Variants in FMN2 observed in about 807,000 individuals in gnomAD.
FMN2 encodes formin 2, also known as formin-2.
FMN2 carries 51 observed loss-of-function variants against 142.3 expected under a neutral mutation model. The ratio of observed to expected loss-of-function variants is 0.36; its 90% CI spans 0.29 to 0.45. The LOEUF (loss-of-function observed/expected upper bound fraction) is 0.45, where lower values mean the gene tolerates loss of function less well. Among genes scored for constraint, FMN2 ranks in the 20% least tolerant of loss-of-function variants. FMN2 has a pLI of 1.00. For synonymous variants in FMN2, 882 were observed against 869.8 expected, an observed-to-expected ratio of 1.01 and a Z score of -0.25; for missense variants, 1,936 against 2,122.8, an observed-to-expected ratio of 0.91 and a Z score of 1.73.
At position 240,228,327 on chromosome 1, in the gene FMN2, AAAAAAGAAAAAG is replaced by A. The variant is rs1186396133; in HGVS notation, c.4065+17108_4065+17119del. Among the ~76,000 whole-genome samples the A allele has an allele frequency of 7.9e-3, 619 of 78,210 alleles. 11 individuals are homozygous for A. Among genetic ancestry groups the A allele is most frequent in the African/African-American group, 0.029 (419 of 14,698 alleles). 51.3% of individuals were successfully genotyped at this position (78,210 alleles called of 152,430 possible). A position where few individuals can be genotyped will look rare whatever the true frequency, so the allele number is the denominator to read the frequency against. On this transcript the variant is annotated intron_variant, in intron 6 of 17. Coordinates refer to ENST00000319653, the MANE Select transcript of FMN2 (RefSeq NM_020066.5). The stretch of plus-strand genomic sequence containing the variant: ...TCAAAAAAAAAAAAAAAAAAAAAAA[AAAAAAGAAAAAG>A]AAAAAGAAAAAGAAAGAAAAAAAAT...
intron 3 of FMN2, among the ~76,000 whole-genome samples, chr1:240,181,943 C>G (rs192094989): frequency 6.6e-6 from 1 of 152,158 alleles, no homozygotes; most frequent in Non-Finnish European, 1.5e-5. Context: ...GAATGCTTTA[C>G]GTATTGAATT....
Position 240,093,005 on chromosome 1 carries a change from T to C in FMN2, c.896T>C (p.Leu299Pro). 7.2e-7 allele frequency: 1 copy of C among 1,398,088 alleles called. No homozygotes were observed. The allele number at this position is 1,398,088 out of a possible 1,614,324, so 86.6% of individuals were successfully genotyped here. A position where few individuals can be genotyped will look rare whatever the true frequency, so the allele number is the denominator to read the frequency against. Residue 299 changes from leucine to proline, a missense_variant, in exon 1 of 18, where the codon CTC (leucine) becomes CCC (proline). Physicochemically the swap from Leu to Pro is moderately conservative, Grantham distance 98. Transcript: ENST00000319653. Reference sequence around the variant, plus strand: ...CAGCAACCGCCGTCCCCCGGCGGCCTCCCGGTCTCCGAGGCGCCCAGTCTC... The same window carrying C: ...CAGCAACCGCCGTCCCCCGGCGGCCCCCCGGTCTCCGAGGCGCCCAGTCTC... ...EPQQPPSPGGLPVSEAPSLPA... is the reference protein window; with the variant it reads ...EPQQPPSPGGPPVSEAPSLPA...
chr1:240,315,796 G>T (rs1187285150), intron 8 of FMN2, among the ~76,000 whole-genome samples: 1 of 151,714 alleles, frequency 6.6e-6, no homozygotes, highest in Non-Finnish European at 1.5e-5. Flanking sequence ...CTCTTGAAAA[G>T]CTAGTTTTCA....
At position 240,207,750 on chromosome 1, in the gene FMN2, C is replaced by T. The variant is rs760446091; in HGVS notation, c.2938C>T (p.Pro980Ser). 2.0e-6 allele frequency: 3 copies of T among 1,514,886 alleles called. No individual in the cohort carries two copies. In the East Asian group the frequency reaches 6.9e-5, roughly 35 times the overall value. The allele number at this position is 1,514,886 out of a possible 1,614,324, so 93.8% of individuals were successfully genotyped here. Reference sequence around the variant, plus strand: ...CGGAGCAGGAATACCTCCTCCACCCCCTCTACCCGGAGCGGGCATACCCCC... The same window carrying T: ...CGGAGCAGGAATACCTCCTCCACCCTCTCTACCCGGAGCGGGCATACCCCC... ...LPGAGIPPPP[P>S]LPGAGIPPPP... The change falls in exon 5 of 18, where the codon CCT becomes TCT. Residue 980 changes from proline to serine, a missense_variant. Pro to Ser is a moderately conservative substitution (Grantham distance 74). Around this residue, in one of 8 missense-constraint regions of FMN2, gnomAD observed 63 missense variants for 86.3 expected, o/e 0.73. Coordinates refer to ENST00000319653, the MANE Select transcript of FMN2 (RefSeq NM_020066.5).
chr1:240,275,284 C>T (rs1215360943), intron 7 of FMN2, among the ~76,000 whole-genome samples: 1 of 151,704 alleles, frequency 6.6e-6, no homozygotes, highest in East Asian at 1.9e-4. Context: ...GTTCCCCTCT[C>T]TGTGTCCATG....
intron 6 of FMN2, among the ~76,000 whole-genome samples, chr1:240,228,745 T>C (rs945716026): frequency 6.6e-6 from 1 of 152,186 alleles, no homozygotes; most frequent in Admixed American, 6.5e-5. Flanking sequence ...ACTATAATTT[T>C]CTGGATAAAT....
intron 6 of FMN2, 135 bp from the exon 7 acceptor site, chr1:240,257,810 C>G: frequency 1.5e-6 from 1 of 680,696 alleles, no homozygotes; most frequent in Non-Finnish European, 2.5e-6. Context: ...AAAAAAAACA[C>G]TGTTTTGAAT....
At chr1:240,367,947 G>A (rs974872796) in intron 14 of FMN2, among the ~76,000 whole-genome samples, 1 of 151,968 alleles carries the variant, frequency 6.6e-6, no homozygotes, top group African/African-American at 2.4e-5. Context: ...TACGTCATAT[G>A]GATAATGCTG....
intron 6 of FMN2, among the ~76,000 whole-genome samples, chr1:240,214,794 G>A (rs1437619780): frequency 1.3e-5 from 2 of 152,140 alleles, no homozygotes; most frequent in East Asian, 1.9e-4. Context: ...CACTGGGTAT[G>A]GTGGCTCACA....
At chr1:240,157,448 TGAAA>T (rs553390584) in intron 2 of FMN2, among the ~76,000 whole-genome samples, 1 of 152,216 alleles carries the variant, frequency 6.6e-6, no homozygotes, top group South Asian at 2.1e-4. Context: ...ACAGCTGTAC[TGAAA>T]GATTTTGTTT....
At chr1:240,334,650 A>ATCT (rs10638898) in intron 13 of FMN2, among the ~76,000 whole-genome samples, 86,135 of 151,666 alleles carry the variant, frequency 0.57, 25,153 homozygotes, top group African/African-American at 0.71. Flanking sequence ...GGAACAAAAT[A>ATCT]TCTTCTACTT....
chr1:240,207,635 AATACCTCCTCCGCCCCCTCTACCCGGAGC>A lies in FMN2; in HGVS notation c.2824_2852del (p.Ile942GlyfsTer301). On this transcript the variant is annotated frameshift_variant, in exon 5 of 18. Coordinates refer to ENST00000319653, the MANE Select transcript of FMN2 (RefSeq NM_020066.5). LOFTEE classifies it high-confidence loss of function. The stretch of plus-strand genomic sequence containing the variant: ...CTCTGCCCCCTCTACCCGGAGCGGG[AATACCTCCTCCGCCCCCTCTACCCGGAGC>A]GGCAATACCCCCTCCGCCCCCTCTT... The A allele has an allele frequency of 1.1e-6, 1 of 911,520 alleles. No individual in the cohort carries two copies. Among genetic ancestry groups the A allele is most frequent in the Non-Finnish European group, 1.4e-6 (1 of 727,290 alleles). 56.5% of individuals were successfully genotyped at this position (911,520 alleles called of 1,614,324 possible).
At chr1:240,309,794 A>C (rs1243338696) in intron 8 of FMN2, among the ~76,000 whole-genome samples, 1 of 152,112 alleles carries the variant, frequency 6.6e-6, no homozygotes, top group Non-Finnish European at 1.5e-5. Flanking sequence ...TCAGTTCTAG[A>C]AGGCAAACTG....
intron 15 of FMN2, among the ~76,000 whole-genome samples, chr1:240,401,454 T>C (rs1321893777): frequency 6.6e-6 from 1 of 152,182 alleles, no homozygotes; most frequent in Non-Finnish European, 1.5e-5. Context: ...GGAAGTTTCA[T>C]TTCTATGAAT....
At chr1:240,183,789 T>A (rs1014374182) in intron 3 of FMN2, among the ~76,000 whole-genome samples, 3 of 152,144 alleles carry the variant, frequency 2.0e-5, no homozygotes, top group East Asian at 1.9e-4. Flanking sequence ...ATTAAAAACA[T>A]CTTGCATTTA....
intron 14 of FMN2, among the ~76,000 whole-genome samples, chr1:240,380,736 G>T (rs1321793639): frequency 1.8e-4 from 27 of 148,496 alleles, no homozygotes; most frequent in Admixed American, 1.7e-3. Context: ...AAAAGAAATG[G>T]CAAAGATCAG....
At chr1:240,437,924 T>C (rs961996366) in intron 15 of FMN2, 137 bp from the exon 16 acceptor site, 25 of 1,039,462 alleles carry the variant, frequency 2.4e-5, no homozygotes, top group South Asian at 1.5e-4. Flanking sequence ...AGAGCTACTG[T>C]TGGTGCTTGA....
At chr1:240,430,746 G>T (rs1044679919) in intron 15 of FMN2, among the ~76,000 whole-genome samples, 11 of 140,602 alleles carry the variant, frequency 7.8e-5, no homozygotes, top group African/African-American at 2.9e-4. Flanking sequence ...TCCTACCCCC[G>T]CATTGAATTG....
chr1:240,124,467 A>T (rs1662419117), intron 2 of FMN2, among the ~76,000 whole-genome samples: 1 of 152,188 alleles, frequency 6.6e-6, no homozygotes, highest in African/African-American at 2.4e-5. Context: ...ATTCATAATG[A>T]ATATGAACAC....
Sources: gnomAD v4.1 joint callset for allele counts (sites outside exome capture counted in the v4.1 genomes callset) on GRCh38, gnomAD v4.1.1 for gene constraint, gnomAD v4.1.1 regional missense constraint, MANE v1.5 for transcripts, NCBI Gene and HGNC (gene_info 2026-07-23, HGNC 2026-07-21) for gene names.